KCNN2: variants seen among roughly 807,000 people sequenced by gnomAD.
The protein encoded by KCNN2 is small conductance calcium-activated potassium channel protein 2.
A neutral mutation model predicts 55.5 loss-of-function variants in KCNN2; 24 were observed. The observed-to-expected ratio is 0.43, with a 90% CI of 0.31 to 0.61. The LOEUF (loss-of-function observed/expected upper bound fraction) is 0.61. KCNN2 is among the 20% of genes least tolerant of loss of function. The probability of loss-of-function intolerance (pLI) is 0.08; values close to 1 mark genes in which losing one functional copy is unlikely to be tolerated. For synonymous variants in KCNN2, 431 were observed against 336.1 expected, an observed-to-expected ratio of 1.28 and a Z score of -3.09; for missense variants, 754 against 853.6, an observed-to-expected ratio of 0.88 and a Z score of 1.45.
rs114679353 is a variant in KCNN2, at chr5:114,218,101, T to G, written c.-270-3379T>G. Among the ~76,000 whole-genome samples, 677 of 152,312 alleles carry G rather than the reference T, an allele frequency of 4.4e-3. 7 individuals carry two copies. The highest frequency in any genetic ancestry group is 0.016 in the African/African-American group (645 of 41,570). ...CCAGAATGCTGACAATACCAAATGC[T>G]GACAAGGATATGGAGCAACATTCAT... On this transcript the variant is annotated intron_variant, in intron 1 of 10. Coordinates refer to the KCNN2 transcript ENST00000512097.
chr5:114,090,483 G>A (rs2112554070), intron 1 of KCNN2, among the ~76,000 whole-genome samples: 1 of 151,904 alleles, frequency 6.6e-6, no homozygotes, highest in South Asian at 2.1e-4. Context: ...CTACAGGAAA[G>A]ACTGAATTCA....
chr5:114,121,479 A>T (rs1421854395), intron 1 of KCNN2, among the ~76,000 whole-genome samples: 1 of 152,134 alleles, frequency 6.6e-6, no homozygotes. Flanking sequence ...ACGGACCTAT[A>T]TACTGGCTCT....
intron 1 of KCNN2, among the ~76,000 whole-genome samples, chr5:114,131,550 A>T (rs1273111690): frequency 6.6e-6 from 1 of 152,144 alleles, no homozygotes; most frequent in African/African-American, 2.4e-5. Context: ...ATTTGGATTG[A>T]TTCCATGTCT....
intron 2 of KCNN2, among the ~76,000 whole-genome samples, chr5:114,374,304 G>C (rs1296402333): frequency 6.6e-6 from 1 of 152,106 alleles, no homozygotes; most frequent in Non-Finnish European, 1.5e-5. Flanking sequence ...GGAAAATTCT[G>C]GTATTAAACT....
chr5:114,077,304 A>G (rs921384980), intron 1 of KCNN2, among the ~76,000 whole-genome samples: 2 of 152,226 alleles, frequency 1.3e-5, no homozygotes, highest in Non-Finnish European at 2.9e-5. Flanking sequence ...CTGCATAGGG[A>G]GCACACTAGG....
At chr5:114,216,666 C>T (rs1754009291) in intron 1 of KCNN2, among the ~76,000 whole-genome samples, 1 of 151,890 alleles carries the variant, frequency 6.6e-6, no homozygotes, top group Non-Finnish European at 1.5e-5. Flanking sequence ...CGAAAACCCA[C>T]CAGCTACCAA....
At chr5:114,418,266 G>A (rs186110139) in intron 3 of KCNN2, among the ~76,000 whole-genome samples, 1 of 152,302 alleles carries the variant, frequency 6.6e-6, no homozygotes, top group Non-Finnish European at 1.5e-5. Flanking sequence ...AAATTTCTGT[G>A]ATTCAGGAGC....
intron 2 of KCNN2, among the ~76,000 whole-genome samples, chr5:114,378,684 A>G (rs181304132): frequency 8.5e-5 from 13 of 152,246 alleles, no homozygotes; most frequent in African/African-American, 3.1e-4. Context: ...TGGGAGGGGC[A>G]GTATGGGCAG....
At chr5:114,142,606 C>A (rs1752309639) in intron 1 of KCNN2, among the ~76,000 whole-genome samples, 1 of 152,114 alleles carries the variant, frequency 6.6e-6, no homozygotes, top group African/African-American at 2.4e-5. Context: ...TCATGAGCTC[C>A]CATTCACAAC....
chr5:114,483,973 G>A lies in KCNN2; in HGVS notation c.1891-3077G>A, dbSNP rs375749364. 7.9e-5 allele frequency among the ~76,000 whole-genome samples: 12 copies of A among 152,200 alleles called. No individual in the cohort carries two copies. In the East Asian group the frequency reaches 1.4e-3, roughly 17 times the overall value. ...TTGAATTTGTAAGTGGAAATGCATT[G>A]ATCCATTTAGAGCTTAGATGAAGCA... On this transcript the variant is annotated intron_variant, in intron 5 of 7. Coordinates refer to ENST00000673685, the MANE Select transcript of KCNN2 (RefSeq NM_021614.4).
intron 2 of KCNN2, among the ~76,000 whole-genome samples, chr5:114,230,331 G>T (rs1754333214): frequency 7.9e-6 from 1 of 126,528 alleles, no homozygotes; most frequent in Non-Finnish European, 1.6e-5. Flanking sequence ...TGTGCACATT[G>T]TGCAGGTTAG....
At chr5:114,075,226 G>T (rs762416079) in intron 1 of KCNN2, among the ~76,000 whole-genome samples, 3 of 152,174 alleles carry the variant, frequency 2.0e-5, no homozygotes, top group Non-Finnish European at 4.4e-5. Context: ...ATTTCTTTAA[G>T]GTGTCATTGA....
chr5:114,347,601 T>A (rs1757134385), intron 2 of KCNN2, among the ~76,000 whole-genome samples: 1 of 152,192 alleles, frequency 6.6e-6, no homozygotes, highest in African/African-American at 2.4e-5. Flanking sequence ...TTCACATAAT[T>A]TATCTTTGGG....
intron 1 of KCNN2, among the ~76,000 whole-genome samples, chr5:114,144,358 A>T (rs373837288): frequency 2.6e-5 from 4 of 152,016 alleles, no homozygotes; most frequent in South Asian, 4.1e-4. Flanking sequence ...TCCAAGTAGA[A>T]TTTTTTTGCC....
intron 1 of KCNN2, among the ~76,000 whole-genome samples, chr5:114,166,572 G>A (rs1262207204): frequency 6.6e-6 from 1 of 152,106 alleles, no homozygotes; most frequent in Admixed American, 6.6e-5. Context: ...CTTAAGAAGT[G>A]GCATTCAAGG....
At chr5:114,288,877 C>T (rs536220522) in intron 2 of KCNN2, among the ~76,000 whole-genome samples, 3 of 152,010 alleles carry the variant, frequency 2.0e-5, no homozygotes, top group Non-Finnish European at 4.4e-5. Context: ...TGAAGTTCAG[C>T]TTATTTTTTT....
At chr5:114,162,842 C>T (rs557264741) in intron 1 of KCNN2, among the ~76,000 whole-genome samples, 104 of 152,222 alleles carry the variant, frequency 6.8e-4, no homozygotes, top group African/African-American at 2.3e-3. Context: ...TTTGTTAAGT[C>T]GGTTGGAAAA....
intron 2 of KCNN2, among the ~76,000 whole-genome samples, chr5:114,296,323 A>G (rs1756011348): frequency 6.6e-6 from 1 of 152,194 alleles, no homozygotes; most frequent in African/African-American, 2.4e-5. Flanking sequence ...AAACAATGTG[A>G]GTTCATCCTC....
At chr5:114,194,503 A>T (rs12655646) in intron 1 of KCNN2, among the ~76,000 whole-genome samples, 3 of 151,796 alleles carry the variant, frequency 2.0e-5, no homozygotes, top group Non-Finnish European at 2.9e-5. Context: ...TCTTTTTTGG[A>T]GAAATGTCTA....
Sources: gnomAD v4.1 joint callset for allele counts (sites outside exome capture counted in the v4.1 genomes callset) on GRCh38, gnomAD v4.1.1 for gene constraint, MANE v1.5 for transcripts, NCBI Gene and HGNC (gene_info 2026-07-23, HGNC 2026-07-21) for gene names.